The following CMBL variants were observed in gnomAD, a reference collection of about 807,000 sequenced individuals.
The protein encoded by CMBL is carboxymethylenebutenolidase homolog (Pseudomonas).
In CMBL, 17 loss-of-function variants were observed where a neutral mutation model predicts 28.7. That is an observed-to-expected ratio of 0.59 (90% confidence interval 0.41 to 0.89). The LOEUF (loss-of-function observed/expected upper bound fraction) is 0.89, where lower values mean the gene tolerates loss of function less well. CMBL is among the 40% of genes least tolerant of loss of function. The probability of loss-of-function intolerance (pLI) is 0.00; values close to 1 mark genes in which losing one functional copy is unlikely to be tolerated. For synonymous variants in CMBL, 106 were observed against 101.6 expected, an observed-to-expected ratio of 1.04 and a Z score of -0.26; for missense variants, 310 against 298.5, an observed-to-expected ratio of 1.04 and a Z score of -0.28.
intron 1 of CMBL, among the ~76,000 whole-genome samples, chr5:10,298,531 T>C (rs1295796657): frequency 6.6e-6 from 1 of 152,216 alleles, no homozygotes; most frequent in Admixed American, 6.5e-5. Context: ...TTGTCTTTCA[T>C]AGATGCATCA....
In CMBL at chr5:10,279,202, C is replaced by A. The variant is rs1019193084; in HGVS notation, c.*1251G>T. The A allele has an allele frequency of 1.1e-4, 16 of 152,204 alleles. No individual in the cohort carries two copies. The highest frequency in any genetic ancestry group is 3.6e-4 in the African/African-American group (15 of 41,446). The allele number at this position is 152,204 out of a possible 1,614,324, so 9.4% of individuals were successfully genotyped here. A position where few individuals can be genotyped will look rare whatever the true frequency, so the allele number is the denominator to read the frequency against. Reference sequence around the variant, plus strand: ...AAAAATGCCAGTGCTTGGAAATCCACTGCTTAGGAGACAACAGCTGGGTGA... The same window carrying A: ...AAAAATGCCAGTGCTTGGAAATCCAATGCTTAGGAGACAACAGCTGGGTGA... On this transcript the variant is annotated 3_prime_UTR_variant, in exon 6 of 6. Coordinates refer to ENST00000296658, the MANE Select transcript of CMBL (RefSeq NM_138809.4).
intron 1 of CMBL, among the ~76,000 whole-genome samples, chr5:10,300,968 C>T (rs1200600568): frequency 6.6e-6 from 1 of 151,040 alleles, no homozygotes; most frequent in Non-Finnish European, 1.5e-5. Context: ...AAAAAACATA[C>T]ATTTTGATGC....
In CMBL at chr5:10,306,234, C is replaced by T. The variant is rs370774372; in HGVS notation, c.-20+1391G>A. On this transcript the variant is annotated intron_variant, in intron 1 of 5. Transcript: ENST00000296658. The stretch of plus-strand genomic sequence containing the variant: ...TCACAAGTCAGACTTCCAGGCACAA[C>T]GCAGTTCTCCAACAGAAATAGAGAA... 8.5e-5 allele frequency among the ~76,000 whole-genome samples: 13 copies of T among 152,220 alleles called. No individual in the cohort carries two copies. The East Asian group carries it at 1.7e-3, about 20-fold the overall frequency.
chr5:10,290,450 G>A, intron 2 of CMBL, 98 bp downstream of exon 2: 1 of 973,144 alleles, frequency 1.0e-6, no homozygotes, highest in Non-Finnish European at 1.6e-6. Context: ...AGTAGATACT[G>A]TATAGTCAGA....
intron 4 of CMBL, 47 bp from the exon 5 acceptor site, chr5:10,282,335 C>T (rs1746509501): frequency 9.4e-7 from 1 of 1,062,848 alleles, no homozygotes; most frequent in South Asian, 1.2e-5. Flanking sequence ...CACACTCATG[C>T]CACATGATCC....
chr5:10,292,653 G>A (rs1033349397), intron 1 of CMBL, among the ~76,000 whole-genome samples: 4 of 152,042 alleles, frequency 2.6e-5, no homozygotes, highest in Non-Finnish European at 4.4e-5. Flanking sequence ...TGAAACCCCC[G>A]TCTCTACTAA....
Position 10,296,516 on chromosome 5 carries a change from G to A in CMBL, c.-19-5735C>T, listed in dbSNP as rs1308684189. Among the ~76,000 whole-genome samples the A allele has an allele frequency of 3.3e-5, 5 of 152,258 alleles. No homozygotes were observed. The East Asian group carries it at 7.7e-4, about 24-fold the overall frequency. On this transcript the variant is annotated intron_variant, in intron 1 of 5. Coordinates refer to ENST00000296658, the MANE Select transcript of CMBL (RefSeq NM_138809.4). ...GGCTGGTCTCAAACTCCTGACCTCAGGTGATCCACTGTGCCGGGCCTGTAG... is the reference window on the plus strand; with the variant it reads ...GGCTGGTCTCAAACTCCTGACCTCAAGTGATCCACTGTGCCGGGCCTGTAG...
At chr5:10,296,419 T>G (rs754090298) in intron 1 of CMBL, among the ~76,000 whole-genome samples, 1 of 152,204 alleles carries the variant, frequency 6.6e-6, no homozygotes, top group Non-Finnish European at 1.5e-5. Context: ...TAGCTGGTAC[T>G]ACAGGCGAGC....
chr5:10,283,598 G>A (rs531298329), intron 4 of CMBL, among the ~76,000 whole-genome samples: 17 of 152,250 alleles, frequency 1.1e-4, no homozygotes, highest in South Asian at 4.1e-4. Context: ...GGCCACCCAC[G>A]CAAAACCTTG....
intron 1 of CMBL, among the ~76,000 whole-genome samples, chr5:10,291,244 G>C (rs938554527): frequency 1.3e-5 from 2 of 152,114 alleles, no homozygotes; most frequent in African/African-American, 4.8e-5. Context: ...CTGCAATGTC[G>C]AGCCCCAAAG....
chr5:10,279,554 T>C lies in CMBL; in HGVS notation c.*899A>G, dbSNP rs1021451803. The C allele has an allele frequency of 1.3e-5, 2 of 152,072 alleles. No individual in the cohort carries two copies. The highest frequency in any genetic ancestry group is 4.8e-5 in the African/African-American group (2 of 41,404). 9.4% of individuals were successfully genotyped at this position (152,072 alleles called of 1,614,324 possible). A position where few individuals can be genotyped will look rare whatever the true frequency, so the allele number is the denominator to read the frequency against. On this transcript the variant is annotated 3_prime_UTR_variant, in exon 6 of 6. Coordinates refer to ENST00000296658, the MANE Select transcript of CMBL (RefSeq NM_138809.4). ...CTTGAACAGCTGTAGGTTTTTTTTT[T>C]TTTTTGAGACAGAGTCTCCCTCTGT...
At chr5:10,304,915 C>A (rs1172024463) in intron 1 of CMBL, among the ~76,000 whole-genome samples, 1 of 152,198 alleles carries the variant, frequency 6.6e-6, no homozygotes, top group Non-Finnish European at 1.5e-5. Flanking sequence ...AATCAGACAG[C>A]CCACAGGGCG....
chr5:10,303,114 A>G (rs564726023), intron 1 of CMBL, among the ~76,000 whole-genome samples: 1 of 152,268 alleles, frequency 6.6e-6, no homozygotes, highest in East Asian at 1.9e-4. Flanking sequence ...TTATTAATTT[A>G]ACTCTTTCAA....
chr5:10,288,401 C>A (rs763765553), intron 3 of CMBL, 21 bp downstream of exon 3: 2 of 1,574,010 alleles, frequency 1.3e-6, no homozygotes, highest in East Asian at 4.5e-5. Flanking sequence ...GTGCACATGG[C>A]CACGTCTGCG....
At position 10,282,510 on chromosome 5, in the gene CMBL, C is replaced by T. The variant is rs112543136; in HGVS notation, c.467-222G>A. Among the ~76,000 whole-genome samples the T allele has an allele frequency of 8.0e-3, 1,216 of 152,162 alleles. 14 individuals carry two copies. Among genetic ancestry groups the T allele is most frequent in the African/African-American group, 0.028 (1,165 of 41,514 alleles). On this transcript the variant is annotated intron_variant, in intron 4 of 5. Transcript: ENST00000296658. Reference sequence around the variant, plus strand: ...GATTAGCGTAAAAGAAGGCCGGGCGCGGTGGCTCACGCCTGTAATCCCAGC... The same window carrying T: ...GATTAGCGTAAAAGAAGGCCGGGCGTGGTGGCTCACGCCTGTAATCCCAGC...
intron 1 of CMBL, among the ~76,000 whole-genome samples, chr5:10,296,440 C>T (rs1178810458): frequency 6.6e-6 from 1 of 152,142 alleles, no homozygotes; most frequent in Non-Finnish European, 1.5e-5. Flanking sequence ...ACCACCATAC[C>T]TGGCTAATTT....
At chr5:10,290,472 T>C in intron 2 of CMBL, 76 bp downstream of exon 2, 3 of 1,323,584 alleles carry the variant, frequency 2.3e-6, no homozygotes, top group South Asian at 2.4e-5. Flanking sequence ...CGCTGTGGTT[T>C]TATTTTTTAA....
intron 1 of CMBL, among the ~76,000 whole-genome samples, chr5:10,293,766 C>T (rs573394852): frequency 6.2e-4 from 94 of 152,318 alleles, no homozygotes; most frequent in African/African-American, 2.2e-3. Context: ...CACTCTGTGA[C>T]AAACACTGTC....
intron 1 of CMBL, among the ~76,000 whole-genome samples, chr5:10,299,841 A>G (rs954092526): frequency 3.3e-5 from 5 of 151,566 alleles, no homozygotes; most frequent in Admixed American, 6.6e-5. Flanking sequence ...ATCTAAAAAA[A>G]AGAGAGAGAG....
Sources: allele counts gnomAD v4.1 joint callset (sites outside exome capture counted in the v4.1 genomes callset), GRCh38; gene constraint gnomAD v4.1.1; transcripts MANE v1.5; gene names NCBI Gene and HGNC (gene_info 2026-07-23, HGNC 2026-07-21).